ARMH3: variants seen among roughly 807,000 people sequenced by gnomAD.
ARMH3 encodes the protein armadillo-like helical domain-containing protein 3.
In ARMH3, 60 loss-of-function variants were observed where a neutral mutation model predicts 99.1. That is an observed-to-expected ratio of 0.61 (90% CI 0.49 to 0.75). ARMH3 has a LOEUF of 0.75. Among genes scored for constraint, ARMH3 ranks in the 30% least tolerant of loss-of-function variants. The pLI, the probability that ARMH3 is intolerant of heterozygous loss-of-function variation, is 0.00. For synonymous variants in ARMH3, 285 were observed against 292.8 expected (o/e 0.97, Z 0.27); for missense variants, 679 against 843.1 (o/e 0.81, Z 2.41).
intron 20 of ARMH3, among the ~76,000 whole-genome samples, chr10:101,971,910 A>G (rs562409547): frequency 6.6e-6 from 1 of 152,336 alleles, no homozygotes; most frequent in South Asian, 2.1e-4. Flanking sequence ...AAGAGCTTTC[A>G]AACTTTCTAT....
At chr10:101,970,866 A>T (rs929803068) in intron 20 of ARMH3, among the ~76,000 whole-genome samples, 2 of 151,938 alleles carry the variant, frequency 1.3e-5, no homozygotes, top group South Asian at 2.1e-4. Context: ...AACAATGATT[A>T]AAAAACAGGC....
chr10:101,914,864 C>CAAAAAAAA (rs373264871), intron 23 of ARMH3, among the ~76,000 whole-genome samples: 7 of 66,584 alleles, frequency 1.1e-4, no homozygotes, highest in Non-Finnish European at 1.3e-4. Context: ...AAATCCATCT[C>CAAAAAAAA]AAAAAAAAAA....
chr10:101,925,661 C>G (rs766878313), intron 23 of ARMH3, among the ~76,000 whole-genome samples: 2 of 152,190 alleles, frequency 1.3e-5, no homozygotes, highest in Non-Finnish European at 2.9e-5. Flanking sequence ...GTAATCCCAG[C>G]ACTTTGGAAG....
intron 20 of ARMH3, among the ~76,000 whole-genome samples, chr10:101,974,434 A>G (rs1845902887): frequency 6.6e-6 from 1 of 152,188 alleles, no homozygotes; most frequent in Non-Finnish European, 1.5e-5. Context: ...AGAAGATTTT[A>G]TTGTACCATC....
At chr10:101,869,901 C>T (rs548211269) in intron 24 of ARMH3, among the ~76,000 whole-genome samples, 1 of 152,170 alleles carries the variant, frequency 6.6e-6, no homozygotes, top group Admixed American at 6.6e-5. Context: ...GGTGTGGTGG[C>T]GGAAGCCTGT....
At chr10:102,033,422 TTC>T in intron 2 of ARMH3, 83 bp from the exon 3 acceptor site, 1 of 1,445,652 alleles carries the variant, frequency 6.9e-7, no homozygotes, top group Non-Finnish European at 9.4e-7. Context: ...AACCTTAGTT[TTC>T]TTTTTTTTTT....
intron 23 of ARMH3, among the ~76,000 whole-genome samples, chr10:101,930,642 G>A (rs1296451163): frequency 2.0e-5 from 3 of 152,108 alleles, no homozygotes; most frequent in African/African-American, 4.8e-5. Context: ...TCCCATCAAT[G>A]ATGCAAAGGC....
Position 101,921,866 on chromosome 10 carries a change from G to A in ARMH3, c.1781+17997C>T, listed in dbSNP as rs141402952. Among the ~76,000 whole-genome samples the A allele has an allele frequency of 2.7e-4, 41 of 152,264 alleles. No individual in the cohort carries two copies. In the East Asian group the frequency reaches 6.8e-3, roughly 25 times the overall value. ...AGATAGAGTGGATAAAGAGAGGTTC[G>A]TTAATGGATATAACATATAGTTAGA... On this transcript the variant is annotated intron_variant, in intron 23 of 25. Transcript: ENST00000370033.
chr10:102,044,906 C>T (rs1027006100), intron 1 of ARMH3, among the ~76,000 whole-genome samples: 9 of 151,938 alleles, frequency 5.9e-5, no homozygotes, highest in East Asian at 3.9e-4. Flanking sequence ...GAAGCCGAGG[C>T]GGGCAGATCA....
intron 10 of ARMH3, 55 bp downstream of exon 10, chr10:102,012,778 A>C: frequency 6.6e-7 from 1 of 1,525,708 alleles, no homozygotes; most frequent in Non-Finnish European, 9.0e-7. Flanking sequence ...CAAAACTCTA[A>C]CAACCAATTC....
chr10:102,000,516 TG>T (rs998960792), intron 15 of ARMH3, among the ~76,000 whole-genome samples: 5 of 151,506 alleles, frequency 3.3e-5, no homozygotes, highest in African/African-American at 1.2e-4. Flanking sequence ...CCCAGTACTT[TG>T]GGAGGCCAAG....
intron 2 of ARMH3, among the ~76,000 whole-genome samples, chr10:102,039,803 AAG>A (rs1416408251): frequency 3.9e-5 from 6 of 152,184 alleles, no homozygotes; most frequent in Non-Finnish European, 7.3e-5. Context: ...AACAACCTAT[AAG>A]GACAACACAA....
intron 23 of ARMH3, among the ~76,000 whole-genome samples, chr10:101,915,229 T>C (rs1003632888): frequency 5.9e-5 from 9 of 152,168 alleles, no homozygotes; most frequent in Non-Finnish European, 1.3e-4. Context: ...AGATGGGGTC[T>C]TGGTTGAGGG....
intron 8 of ARMH3, among the ~76,000 whole-genome samples, chr10:102,022,183 T>C (rs1008802862): frequency 6.6e-6 from 1 of 152,042 alleles, no homozygotes; most frequent in African/African-American, 2.4e-5. Flanking sequence ...AACTGCCTAA[T>C]GACACATTTC....
chr10:101,914,170 A>C (rs1322582193), intron 23 of ARMH3, among the ~76,000 whole-genome samples: 1 of 152,142 alleles, frequency 6.6e-6, no homozygotes, highest in Non-Finnish European at 1.5e-5. Context: ...ATTGGGCTGA[A>C]GGGGCATAAA....
chr10:101,924,557 G>A (rs555299453), intron 23 of ARMH3, among the ~76,000 whole-genome samples: 3 of 151,068 alleles, frequency 2.0e-5, no homozygotes, highest in East Asian at 2.0e-4. Flanking sequence ...GGGTTTCACC[G>A]TGTTAGCCAG....
At chr10:101,873,363 G>C (rs1389351915) in intron 24 of ARMH3, among the ~76,000 whole-genome samples, 4 of 152,022 alleles carry the variant, frequency 2.6e-5, no homozygotes, top group Non-Finnish European at 5.9e-5. Flanking sequence ...AGTGAGCCGA[G>C]ATCGCGCCAC....
At chr10:102,035,614 C>T (rs571323921) in intron 2 of ARMH3, among the ~76,000 whole-genome samples, 3 of 152,230 alleles carry the variant, frequency 2.0e-5, no homozygotes, top group Non-Finnish European at 2.9e-5. Flanking sequence ...CTGTGTTGGC[C>T]GGGCTGGTCT....
At chr10:102,034,009 A>G (rs2067193694) in intron 2 of ARMH3, among the ~76,000 whole-genome samples, 2 of 152,226 alleles carry the variant, frequency 1.3e-5, no homozygotes, top group African/African-American at 2.4e-5. Context: ...AATACAATCC[A>G]GTGAGCCAGG....
Sources: gnomAD v4.1 joint callset for allele counts (sites outside exome capture counted in the v4.1 genomes callset) on GRCh38, gnomAD v4.1.1 for gene constraint, MANE v1.5 for transcripts, NCBI Gene and HGNC (gene_info 2026-07-23, HGNC 2026-07-21) for gene names.